Variants in CMSS1 observed in about 807,000 individuals in gnomAD.
CMSS1 encodes protein CMSS1.
Under a neutral mutation model 43.5 loss-of-function variants are expected in CMSS1, and 33 were observed. The ratio of observed to expected loss-of-function variants is 0.76; its 90% confidence interval spans 0.57 to 1.01. The LOEUF is 1.01. CMSS1 is among the 50% of genes least tolerant of loss of function. The pLI, the probability that CMSS1 is intolerant of heterozygous loss-of-function variation, is 0.00. For missense variants in CMSS1, 313 were observed against 326.4 expected, an observed-to-expected ratio of 0.96 and a Z score of 0.32; for synonymous variants, 115 against 117.2, an observed-to-expected ratio of 0.98 and a Z score of 0.12.
At chr3:100,054,741 C>A (rs1294822358) in intron 1 of CMSS1, among the ~76,000 whole-genome samples, 3 of 152,140 alleles carry the variant, frequency 2.0e-5, no homozygotes, top group African/African-American at 7.2e-5. Flanking sequence ...CCACCAATAC[C>A]CTCAAGCCCT....
chr3:99,841,367 G>C (rs1208623076), intron 1 of CMSS1, among the ~76,000 whole-genome samples: 1 of 152,196 alleles, frequency 6.6e-6, no homozygotes, highest in Admixed American at 6.5e-5. Flanking sequence ...GAAAAATAAT[G>C]TAGATAACCA....
At chr3:100,072,960 G>A (rs920787392) in intron 1 of CMSS1, among the ~76,000 whole-genome samples, 5 of 152,298 alleles carry the variant, frequency 3.3e-5, no homozygotes, top group African/African-American at 9.6e-5. Flanking sequence ...AATGATGATA[G>A]CATATGTTTG....
At position 99,866,113 on chromosome 3, in the gene CMSS1, A is replaced by G. The variant is rs539967118; in HGVS notation, c.64+48070A>G. ...CTTTATTCTCTCCTTTGTAGAAAGC[A>G]TGTATCCTTTTCCAGAACTTATTCT... On this transcript the variant is annotated intron_variant, in intron 1 of 9. Transcript: ENST00000421999. Among the ~76,000 whole-genome samples, 5 of 150,942 alleles carry G rather than the reference A, an allele frequency of 3.3e-5. No homozygotes were observed. In the South Asian group the frequency reaches 1.0e-3, roughly 31 times the overall value.
At chr3:100,126,716 G>A (rs2066665400) in intron 1 of CMSS1, among the ~76,000 whole-genome samples, 1 of 152,096 alleles carries the variant, frequency 6.6e-6, no homozygotes, top group African/African-American at 2.4e-5. Flanking sequence ...AAGAAAGTTG[G>A]GGCTGGATGC....
intron 1 of CMSS1, among the ~76,000 whole-genome samples, chr3:99,823,452 G>A (rs1428185350): frequency 6.6e-6 from 1 of 152,310 alleles, no homozygotes; most frequent in East Asian, 1.9e-4. Context: ...CAAAGGCCTA[G>A]CAGTATTCTG....
chr3:99,974,073 G>T (rs1237617341), intron 1 of CMSS1, among the ~76,000 whole-genome samples: 3 of 152,344 alleles, frequency 2.0e-5, no homozygotes, highest in Non-Finnish European at 4.4e-5. Flanking sequence ...ATATTTTTCA[G>T]AGGCAGACTG....
chr3:100,020,079 A>G (rs1227681700), intron 1 of CMSS1, among the ~76,000 whole-genome samples: 1 of 152,274 alleles, frequency 6.6e-6, no homozygotes, highest in Non-Finnish European at 1.5e-5. Flanking sequence ...GCCTTACTAT[A>G]ATCCAGAACT....
chr3:100,139,176 C>T (rs2066781105), intron 1 of CMSS1, among the ~76,000 whole-genome samples: 1 of 152,072 alleles, frequency 6.6e-6, no homozygotes, highest in African/African-American at 2.4e-5. Context: ...GACCATCACA[C>T]ACCAGGGCCT....
At chr3:99,927,004 G>T in intron 1 of CMSS1, among the ~76,000 whole-genome samples, 1 of 152,092 alleles carries the variant, frequency 6.6e-6, no homozygotes, top group East Asian at 1.9e-4. Flanking sequence ...GGGCCAAAAG[G>T]CCCTTCACCA....
At position 99,952,995 on chromosome 3, in the gene CMSS1, G is replaced by A. The variant is rs142588325; in HGVS notation, c.64+134952G>A. On this transcript the variant is annotated intron_variant, in intron 1 of 9. Transcript: ENST00000421999. ...TTGGTTTTTGTCACTGAACTGAGTG[G>A]TCTCTGAAGGTGGATTTTCTCATGA... is the stretch of plus-strand genomic sequence containing the variant. 4.3e-3 allele frequency among the ~76,000 whole-genome samples: 662 copies of A among 152,214 alleles called. 7 individuals carry two copies. The highest frequency in any genetic ancestry group is 0.016 in the African/African-American group (649 of 41,530).
intron 1 of CMSS1, among the ~76,000 whole-genome samples, chr3:99,839,113 A>G (rs1311111352): frequency 3.3e-5 from 5 of 151,934 alleles, no homozygotes; most frequent in African/African-American, 1.2e-4. Flanking sequence ...AGTCTTCCCC[A>G]TCCTGTATCC....
At position 99,925,864 on chromosome 3, in the gene CMSS1, T is replaced by A. The variant is rs965266090; in HGVS notation, c.64+107821T>A. On this transcript the variant is annotated intron_variant, in intron 1 of 9. Transcript: ENST00000421999. Reference sequence around the variant, plus strand: ...AGACAGCCAAGCTCACTGGGCTGGTTTATCAGCTCCTGGCCTTGAGCTCCA... The same window carrying A: ...AGACAGCCAAGCTCACTGGGCTGGTATATCAGCTCCTGGCCTTGAGCTCCA... 17 of 985,320 alleles carry A rather than the reference T, an allele frequency of 1.7e-5. No homozygotes were observed. The African/African-American group carries it at 3.0e-4, about 17-fold the overall frequency. 61.0% of individuals were successfully genotyped at this position (985,320 alleles called of 1,614,324 possible).
At chr3:99,945,440 A>G (rs1452993067) in intron 1 of CMSS1, among the ~76,000 whole-genome samples, 1 of 152,208 alleles carries the variant, frequency 6.6e-6, no homozygotes, top group Admixed American at 6.5e-5. Flanking sequence ...GCCCTTTGTT[A>G]GAAAGCACCC....
At chr3:100,008,399 CAT>C (rs1199787745) in intron 1 of CMSS1, among the ~76,000 whole-genome samples, 11 of 152,180 alleles carry the variant, frequency 7.2e-5, no homozygotes, top group African/African-American at 2.7e-4. Context: ...CCAAGATTTT[CAT>C]ATGAGTTGCA....
chr3:99,931,080 A>G, intron 1 of CMSS1: 1 of 1,489,346 alleles, frequency 6.7e-7, no homozygotes, highest in Admixed American at 1.8e-5. Context: ...TGGAGTTTTA[A>G]TAAGAGTACC....
chr3:99,841,701 A>G (rs1943139755), intron 1 of CMSS1, among the ~76,000 whole-genome samples: 1 of 152,244 alleles, frequency 6.6e-6, no homozygotes, highest in South Asian at 2.1e-4. Flanking sequence ...TCAAAAGAAG[A>G]TATACAAATG....
chr3:99,920,488 A>G (rs1707091025), intron 1 of CMSS1, among the ~76,000 whole-genome samples: 2 of 152,256 alleles, frequency 1.3e-5, no homozygotes, highest in South Asian at 2.1e-4. Flanking sequence ...AGCCAAGTAC[A>G]TAATTCAGGT....
intron 1 of CMSS1, among the ~76,000 whole-genome samples, chr3:99,875,892 A>G (rs1489214461): frequency 6.6e-6 from 1 of 152,198 alleles, no homozygotes; most frequent in Non-Finnish European, 1.5e-5. Flanking sequence ...GAAAACTTCT[A>G]CTTTCAAGTT....
At chr3:99,848,190 T>C (rs920549835) in intron 1 of CMSS1, 33 of 1,558,746 alleles carry the variant, frequency 2.1e-5, no homozygotes, top group Admixed American at 3.6e-5. Context: ...GTTCAGTCAG[T>C]CTTGGGGGAT....
Sources: gnomAD v4.1 joint callset for allele counts (sites outside exome capture counted in the v4.1 genomes callset) on GRCh38, gnomAD v4.1.1 for gene constraint, MANE v1.5 for transcripts, NCBI Gene and HGNC (gene_info 2026-07-23, HGNC 2026-07-21) for gene names.